TCERG1L: variants seen among roughly 807,000 people sequenced by gnomAD.
TCERG1L encodes transcription elongation regulator 1 like, also known as transcription elongation regulator 1-like protein.
A neutral mutation model predicts 56.3 loss-of-function variants in TCERG1L; 37 were observed. That is an observed-to-expected ratio of 0.66 (90% CI 0.51 to 0.87). TCERG1L has a LOEUF of 0.87. TCERG1L is among the 40% of genes least tolerant of loss of function. TCERG1L has a pLI of 0.00. For missense variants in TCERG1L, 799 were observed against 774.2 expected, an observed-to-expected ratio of 1.03 and a Z score of -0.38; for synonymous variants, 324 against 326.3, an observed-to-expected ratio of 0.99 and a Z score of 0.08.
intron 6 of TCERG1L, among the ~76,000 whole-genome samples, chr10:131,150,690 C>G (rs941427965): frequency 6.6e-6 from 1 of 152,176 alleles, no homozygotes; most frequent in Non-Finnish European, 1.5e-5. Context: ...TTAAGAGAAA[C>G]AGGACTTCAA....
intron 4 of TCERG1L, among the ~76,000 whole-genome samples, chr10:131,228,104 C>G (rs1206576827): frequency 6.6e-6 from 1 of 152,094 alleles, no homozygotes; most frequent in African/African-American, 2.4e-5. Context: ...CAGACATTTC[C>G]TCAAGGGCTC....
chr10:131,145,601 TTCAG>T (rs1238125847), intron 7 of TCERG1L, among the ~76,000 whole-genome samples: 1 of 152,276 alleles, frequency 6.6e-6, no homozygotes, highest in Non-Finnish European at 1.5e-5. Flanking sequence ...CTTCTGAAGC[TTCAG>T]TCAAATACCT....
In TCERG1L at chr10:131,311,479, T is replaced by C. The variant is rs969970337; in HGVS notation, c.157A>G (p.Ser53Gly). 1 of 1,186,442 alleles carries C rather than the reference T, an allele frequency of 8.4e-7. No individual in the cohort carries two copies. The highest frequency in any genetic ancestry group is 1.6e-5 in the African/African-American group (1 of 61,116). The allele number at this position is 1,186,442 out of a possible 1,614,324, so 73.5% of individuals were successfully genotyped here. A position where few individuals can be genotyped will look rare whatever the true frequency, so the allele number is the denominator to read the frequency against. The change falls in exon 1 of 12, where the codon AGC (serine) becomes GGC (glycine). Residue 53 changes from serine (S) to glycine (G), a missense_variant. Coordinates refer to ENST00000368642, the MANE Select transcript of TCERG1L (RefSeq NM_174937.4). This position sits in a 1 kb window ranked among gnomAD's most constrained non-coding sequence, Gnocchi z 4.0. Reference sequence around the variant, plus strand: ...ACCGGGGGAACCACGACCCCCGCGCTGAGCCGGAGCAGCCCGGCCGAGCCC... The same window carrying C: ...ACCGGGGGAACCACGACCCCCGCGCCGAGCCGGAGCAGCCCGGCCGAGCCC... ...VPGSAGLLRL[S>G]AGVVVPPVLL...
intron 3 of TCERG1L, among the ~76,000 whole-genome samples, chr10:131,281,651 T>G (rs1183870596): frequency 6.6e-6 from 1 of 152,152 alleles, no homozygotes; most frequent in Non-Finnish European, 1.5e-5. Context: ...AGAATGCAAC[T>G]GAACCTCCAC....
intron 7 of TCERG1L, among the ~76,000 whole-genome samples, chr10:131,145,447 C>A (rs1157355539): frequency 2.6e-5 from 4 of 152,224 alleles, no homozygotes; most frequent in Non-Finnish European, 5.9e-5. Context: ...CTTTTCCCAA[C>A]ATCAGTTGAT....
At chr10:131,259,544 C>T (rs957018749) in intron 4 of TCERG1L, among the ~76,000 whole-genome samples, 1 of 152,180 alleles carries the variant, frequency 6.6e-6, no homozygotes, top group Admixed American at 6.5e-5. Context: ...TGGATGGACA[C>T]GCATGCCTGT....
At chr10:131,116,374 C>G (rs55786714) in intron 9 of TCERG1L, among the ~76,000 whole-genome samples, 16,918 of 152,226 alleles carry the variant, frequency 0.11, 1,726 homozygotes, top group East Asian at 0.53. Context: ...CCCACAGGAA[C>G]CCCATCTGTG....
chr10:131,175,918 T>C (rs1025795995), intron 4 of TCERG1L, among the ~76,000 whole-genome samples: 2 of 152,198 alleles, frequency 1.3e-5, no homozygotes, highest in Non-Finnish European at 2.9e-5. Context: ...TGTGAACTTG[T>C]AGCCATCATT....
intron 7 of TCERG1L, among the ~76,000 whole-genome samples, chr10:131,140,099 C>T (rs1393015516): frequency 1.3e-5 from 2 of 152,162 alleles, no homozygotes; most frequent in African/African-American, 2.4e-5. Context: ...AAGGCAAATT[C>T]GCATTCAGAT....
chr10:131,121,135 GA>G (rs1254127494), intron 8 of TCERG1L, among the ~76,000 whole-genome samples: 1 of 152,190 alleles, frequency 6.6e-6, no homozygotes, highest in Non-Finnish European at 1.5e-5. Flanking sequence ...ATGGCTCCAA[GA>G]CAGAACATGA....
At position 131,221,175 on chromosome 10, in the gene TCERG1L, G is replaced by C. The variant is rs145961483; in HGVS notation, c.856+39084C>G. 3.3e-4 allele frequency among the ~76,000 whole-genome samples: 50 copies of C among 152,326 alleles called. No individual in the cohort carries two copies. The East Asian group carries it at 8.7e-3, about 27-fold the overall frequency. On this transcript the variant is annotated intron_variant, in intron 4 of 11. Coordinates refer to ENST00000368642, the MANE Select transcript of TCERG1L (RefSeq NM_174937.4). ...GCAGGCCACAGGGGCAGCCCAGAAT[G>C]GCAGGTGGAAAGTGTCTCCCACCCT...
chr10:131,268,112 G>A (rs531055370), intron 3 of TCERG1L, among the ~76,000 whole-genome samples: 46 of 152,246 alleles, frequency 3.0e-4, no homozygotes, highest in African/African-American at 9.6e-4. Flanking sequence ...CTCCATAGCC[G>A]GCCTTGAGCA....
rs558744000 is a variant in TCERG1L at position 131,132,349 on chromosome 10, C to T, written c.1259+2030G>A. 3.0e-4 allele frequency among the ~76,000 whole-genome samples: 46 copies of T among 152,344 alleles called. No homozygotes were observed. The East Asian group carries it at 7.7e-3, about 26-fold the overall frequency. On this transcript the variant is annotated intron_variant, in intron 8 of 11. Coordinates refer to ENST00000368642, the MANE Select transcript of TCERG1L (RefSeq NM_174937.4). ...CTGCCAAAACGGAGGCAGCTCCATG[C>T]AAAACATCCGTGCATGTTTCAAAGT...
At chr10:131,148,808 T>C (rs11017758) in intron 6 of TCERG1L, among the ~76,000 whole-genome samples, 30,904 of 152,122 alleles carry the variant, frequency 0.2, 3,513 homozygotes, top group East Asian at 0.35. Flanking sequence ...GTGAGACCTG[T>C]GTCAGACTTC....
chr10:131,224,098 C>G (rs1006777755), intron 4 of TCERG1L, among the ~76,000 whole-genome samples: 5 of 152,132 alleles, frequency 3.3e-5, no homozygotes, highest in Non-Finnish European at 7.4e-5. Context: ...TTCTGGAACC[C>G]TTCCTGTCTC....
Position 131,260,380 on chromosome 10 carries a change from G to T in TCERG1L, c.735C>A (p.Ala245=). ...SPAIAIATAA[A]AAMVSVDPEN... is the part of the protein sequence containing the mutation. ...CAGGGTCCACGGAGACCATGGCAGC[G>T]GCGGCGGCGGTGGCGATGGCAATGG... Residue 245 remains alanine (A), a synonymous_variant, in exon 4 of 12, where the codon GCC becomes GCA. Transcript: ENST00000368642. This position sits in a 1 kb window ranked among gnomAD's most constrained non-coding sequence, Gnocchi z 5.8. 6.7e-7 allele frequency: 1 copy of T among 1,486,514 alleles called. No individual in the cohort carries two copies. The highest frequency in any genetic ancestry group is 1.4e-5 in the South Asian group (1 of 69,252). The allele number at this position is 1,486,514 out of a possible 1,614,324, so 92.1% of individuals were successfully genotyped here.
At chr10:131,300,405 G>A (rs1282658799) in intron 3 of TCERG1L, among the ~76,000 whole-genome samples, 5 of 152,032 alleles carry the variant, frequency 3.3e-5, no homozygotes, top group Non-Finnish European at 7.4e-5. Flanking sequence ...TCCTGGCTCT[G>A]GAAAAAGGCG....
At chr10:131,308,014 C>T (rs1418801065) in intron 3 of TCERG1L, among the ~76,000 whole-genome samples, 197 bp downstream of exon 3, 3 of 152,118 alleles carry the variant, frequency 2.0e-5, no homozygotes, top group African/African-American at 7.2e-5. Flanking sequence ...CTCATATCCA[C>T]CCACCCCAGA....
At chr10:131,171,577 T>C (rs1216313072) in intron 4 of TCERG1L, among the ~76,000 whole-genome samples, 1 of 152,136 alleles carries the variant, frequency 6.6e-6, no homozygotes, top group Non-Finnish European at 1.5e-5. Context: ...GTATCAGGAA[T>C]TTATTTATTT....
Sources: allele counts gnomAD v4.1 joint callset (sites outside exome capture counted in the v4.1 genomes callset), GRCh38; gene constraint gnomAD v4.1.1; non-coding constraint Gnocchi (gnomAD v3.1); transcripts MANE v1.5; gene names NCBI Gene and HGNC (gene_info 2026-07-23, HGNC 2026-07-21).